TMEM161B: variants seen among roughly 807,000 people sequenced by gnomAD.
TMEM161B encodes transmembrane protein 161B.
TMEM161B carries 34 observed loss-of-function variants against 61.8 expected under a neutral mutation model. That is an observed-to-expected ratio of 0.55 (90% CI 0.42 to 0.73). The LOEUF (loss-of-function observed/expected upper bound fraction) is 0.73, where lower values mean the gene tolerates loss of function less well. TMEM161B is among the 30% of genes least tolerant of loss of function. TMEM161B has a pLI of 0.00. For missense variants in TMEM161B, 456 were observed against 558.5 expected, an observed-to-expected ratio of 0.82 and a Z score of 1.85; for synonymous variants, 167 against 192.8, an observed-to-expected ratio of 0.87 and a Z score of 1.11.
chr5:88,250,939 G>C (rs539099502), intron 1 of TMEM161B: 39 of 152,090 alleles, frequency 2.6e-4, no homozygotes, highest in African/African-American at 9.2e-4. Flanking sequence ...CAGAGATCAC[G>C]GCACTGCAAT....
intron 5 of TMEM161B, among the ~76,000 whole-genome samples, chr5:88,212,635 C>G (rs1747037452): frequency 6.6e-6 from 1 of 152,154 alleles, no homozygotes; most frequent in African/African-American, 2.4e-5. Context: ...CATGACCAGC[C>G]TGGGCAACAT....
At chr5:88,266,025 T>C (rs1410119468) in intron 1 of TMEM161B, among the ~76,000 whole-genome samples, 1 of 152,258 alleles carries the variant, frequency 6.6e-6, no homozygotes, top group Non-Finnish European at 1.5e-5. Flanking sequence ...AATGGCTTTA[T>C]TCCATTAGTA....
At chr5:88,257,270 AAAAACAAAAACAAAACAAAAC>A (rs1410818049) in intron 1 of TMEM161B, among the ~76,000 whole-genome samples, 1 of 152,184 alleles carries the variant, frequency 6.6e-6, no homozygotes, top group African/African-American at 2.4e-5. Context: ...AATTTGTCTC[AAAAACAAAAACAAAACAAAAC>A]AAAACAAAAA....
rs1469082678 is a variant in TMEM161B at position 88,225,037 on chromosome 5, G to A, written c.289+732C>T. On this transcript the variant is annotated intron_variant, in intron 4 of 11. Coordinates refer to ENST00000296595, the MANE Select transcript of TMEM161B (RefSeq NM_153354.5). ...GGCTGGAGTGCGGTGGTGCGATCTC[G>A]GCTCACTGCAACCTCCGCCTCCCGG... Among the ~76,000 whole-genome samples, 9 of 139,536 alleles carry A rather than the reference G, an allele frequency of 6.4e-5. No homozygotes were observed. In the South Asian group the frequency reaches 6.7e-4, roughly 10 times the overall value. The allele number at this position is 139,536 out of a possible 152,430, so 91.5% of individuals were successfully genotyped here.
chr5:88,188,094 T>C (rs1052505121), downstream of TMEM161B, among the ~76,000 whole-genome samples: 5 of 152,062 alleles, frequency 3.3e-5, no homozygotes, highest in South Asian at 6.2e-4. Context: ...ACATTACAAA[T>C]GATTTCAGTA....
At chr5:88,199,249 T>C (rs1264591091) in intron 9 of TMEM161B, 99 bp from the exon 10 acceptor site, 1 of 1,223,988 alleles carries the variant, frequency 8.2e-7, no homozygotes, top group Non-Finnish European at 1.1e-6. Flanking sequence ...AAGAAGTCTA[T>C]ACTTCGCAAC....
chr5:88,195,834 A>C lies in TMEM161B; in HGVS notation c.*377T>G. 1 of 1,004,570 alleles carries C rather than the reference A, an allele frequency of 1.0e-6. No homozygotes were observed. Among genetic ancestry groups the C allele is most frequent in the Non-Finnish European group, 1.2e-6 (1 of 842,602 alleles). The allele number at this position is 1,004,570 out of a possible 1,614,324, so 62.2% of individuals were successfully genotyped here. On this transcript the variant is annotated 3_prime_UTR_variant, in exon 12 of 12. Transcript: ENST00000296595. ...GATTGTTCTATAGGCAGCCACTATG[A>C]CTATCAACAGTACCATAAAACCATT...
At chr5:88,265,275 C>T (rs1290868282) in intron 1 of TMEM161B, among the ~76,000 whole-genome samples, 1 of 152,090 alleles carries the variant, frequency 6.6e-6, no homozygotes, top group Non-Finnish European at 1.5e-5. Flanking sequence ...TACAGCAGTC[C>T]CCAACCTTTT....
chr5:88,192,702 A>C (rs1749075578), downstream of TMEM161B, among the ~76,000 whole-genome samples: 1 of 152,222 alleles, frequency 6.6e-6, no homozygotes, highest in Non-Finnish European at 1.5e-5. Flanking sequence ...CTTTGCAAAG[A>C]CACAGGATGA....
At chr5:88,221,142 G>A (rs1748901907) in intron 4 of TMEM161B, among the ~76,000 whole-genome samples, 1 of 152,174 alleles carries the variant, frequency 6.6e-6, no homozygotes, top group Non-Finnish European at 1.5e-5. Context: ...GTTCACTTTT[G>A]TGAAGTAAGA....
downstream of TMEM161B, among the ~76,000 whole-genome samples, chr5:88,193,140 T>G (rs932554945): frequency 6.6e-6 from 1 of 152,100 alleles, no homozygotes; most frequent in Non-Finnish European, 1.5e-5. Context: ...GATATTAAGA[T>G]AAAATTATAT....
At chr5:88,239,032 G>C (rs1289841008) in intron 2 of TMEM161B, among the ~76,000 whole-genome samples, 1 of 151,816 alleles carries the variant, frequency 6.6e-6, no homozygotes, top group Non-Finnish European at 1.5e-5. Flanking sequence ...AGATCACAAA[G>C]AAAACCAATT....
chr5:88,205,903 T>C lies in TMEM161B; in HGVS notation c.711A>G (p.Ser237=), dbSNP rs749551002. ...TFKFFLAIFC[S]FIGAFLTFPG... ...GAAATGTCAAAAAAGCCCCAATGAA[T>C]GAACAGAAAATAGCCAGGAAAAATT... The change falls in exon 8 of 12, where the codon TCA becomes TCG. Residue 237 remains serine, a synonymous_variant. Transcript: ENST00000296595. 1.4e-5 allele frequency: 23 copies of C among 1,612,374 alleles called. No individual in the cohort carries two copies. Among genetic ancestry groups the C allele is most frequent in the Non-Finnish European group, 1.9e-5 (22 of 1,179,178 alleles).
downstream of TMEM161B, among the ~76,000 whole-genome samples, chr5:88,186,844 A>G (rs1049019204): frequency 3.9e-5 from 6 of 152,180 alleles, no homozygotes; most frequent in African/African-American, 1.4e-4. Context: ...CAGAGGTTGC[A>G]GTGAGCTGAG....
At chr5:88,225,672 A>G in intron 4 of TMEM161B, 97 bp downstream of exon 4, 1 of 688,368 alleles carries the variant, frequency 1.5e-6, no homozygotes, top group East Asian at 3.0e-5. Flanking sequence ...AAGATTCCAT[A>G]TTCTCTATAA....
chr5:88,191,990 A>AAG, downstream of TMEM161B, among the ~76,000 whole-genome samples: 1 of 20,524 alleles, frequency 4.9e-5, no homozygotes, highest in Non-Finnish European at 1.1e-4. Flanking sequence ...GTGTATATAT[A>AAG]TATATATATA....
Position 88,206,503 on chromosome 5 carries a change from TG to T in TMEM161B, c.599-5del, listed in dbSNP as rs376052457. 50,367 of 1,180,888 alleles carry T rather than the reference TG, an allele frequency of 0.043. 149 individuals are homozygous for T. The highest frequency in any genetic ancestry group is 0.059 in the South Asian group (3,528 of 60,040). 73.2% of individuals were successfully genotyped at this position (1,180,888 alleles called of 1,614,324 possible). On this transcript the variant is annotated splice_region_variant and splice_polypyrimidine_tract_variant and intron_variant, in intron 6 of 11. Transcript: ENST00000296595. ...CTGTCTGAAAAATTTGTAAACCCTG[TG>T]GGGGAAAAAAAAAAAAACAACAGAT...
intron 1 of TMEM161B, among the ~76,000 whole-genome samples, chr5:88,253,273 T>C (rs1279954506): frequency 2.6e-5 from 4 of 152,134 alleles, no homozygotes; most frequent in Non-Finnish European, 4.4e-5. Context: ...GTGGATTTTA[T>C]CAAACACTTT....
At chr5:88,240,354 C>A (rs1466184683) in intron 2 of TMEM161B, among the ~76,000 whole-genome samples, 1 of 151,780 alleles carries the variant, frequency 6.6e-6, no homozygotes, top group Non-Finnish European at 1.5e-5. Flanking sequence ...TACTTAAGCA[C>A]TTGGATTTAC....
Sources: allele counts gnomAD v4.1 joint callset (sites outside exome capture counted in the v4.1 genomes callset), GRCh38; gene constraint gnomAD v4.1.1; transcripts MANE v1.5; gene names NCBI Gene and HGNC (gene_info 2026-07-23, HGNC 2026-07-21).